The following CKAP5 variants were observed in gnomAD, a reference collection of about 807,000 sequenced individuals.
CKAP5 encodes cytoskeleton-associated protein 5.
A neutral mutation model predicts 232.8 loss-of-function variants in CKAP5; 27 were observed. The ratio of observed to expected loss-of-function variants is 0.12; its 90% CI spans 0.09 to 0.16. The LOEUF (loss-of-function observed/expected upper bound fraction) is 0.16. Ranked by LOEUF, CKAP5 falls within the 10% of genes least tolerant of loss-of-function variation. The probability of loss-of-function intolerance (pLI) is 1.00; values close to 1 mark genes in which losing one functional copy is unlikely to be tolerated. For missense variants in CKAP5, 1,838 were observed against 2,424.7 expected (o/e 0.76, Z 5.08); for synonymous variants, 785 against 841.1 (o/e 0.93, Z 1.16).
intron 1 of CKAP5, among the ~76,000 whole-genome samples, chr11:46,842,966 CAAA>C (rs60343444): frequency 2.5e-5 from 1 of 39,404 alleles, no homozygotes. Flanking sequence ...GACTCCGTCT[CAAA>C]AAAAAAAAAA....
At chr11:46,839,527 C>A (rs943868966) in intron 1 of CKAP5, among the ~76,000 whole-genome samples, 2 of 152,188 alleles carry the variant, frequency 1.3e-5, no homozygotes, top group Non-Finnish European at 2.9e-5. Context: ...ACCACTGTCA[C>A]AGTTGTCCAT....
intron 16 of CKAP5, among the ~76,000 whole-genome samples, chr11:46,786,593 G>A (rs1231801422): frequency 2.0e-5 from 3 of 152,206 alleles, no homozygotes; most frequent in African/African-American, 7.2e-5. Flanking sequence ...CCAGCTGGGG[G>A]AACCCAGCTT....
At chr11:46,789,136 A>G (rs1336065347) in intron 15 of CKAP5, among the ~76,000 whole-genome samples, 1 of 152,190 alleles carries the variant, frequency 6.6e-6, no homozygotes, top group East Asian at 1.9e-4. Flanking sequence ...TGATTTTCCT[A>G]AAAACAGCAA....
chr11:46,804,555 C>T (rs1939110238), intron 8 of CKAP5, among the ~76,000 whole-genome samples: 1 of 152,082 alleles, frequency 6.6e-6, no homozygotes, highest in Non-Finnish European at 1.5e-5. Context: ...TAAATTGAGG[C>T]CTACAGTATT....
At chr11:46,804,657 G>GAA (rs1939112344) in intron 8 of CKAP5, among the ~76,000 whole-genome samples, 1 of 151,972 alleles carries the variant, frequency 6.6e-6, no homozygotes, top group African/African-American at 2.4e-5. Context: ...GCACACCGTT[G>GAA]ACAGAGGAAA....
chr11:46,809,023 C>T (rs79918888), intron 7 of CKAP5, among the ~76,000 whole-genome samples: 1 of 152,104 alleles, frequency 6.6e-6, no homozygotes, highest in Non-Finnish European at 1.5e-5. Context: ...TGCTAAACAT[C>T]ATACAATGCA....
chr11:46,763,021 A>G lies in CKAP5; in HGVS notation c.3846T>C (p.Leu1282=). 6.2e-7 allele frequency: 1 copy of G among 1,613,912 alleles called. No homozygotes were observed. The highest frequency in any genetic ancestry group is 8.5e-7 in the Non-Finnish European group (1 of 1,179,796). ...TGAAGGAAGATGCTTCATTCTCAGT[A>G]AGATGATATTCTTCTTCACTTAGCA... is the stretch of plus-strand genomic sequence containing the variant. The part of the protein sequence containing the change: ...FTLLSEEEYH[L]TENEASSFIP... Residue 1282 remains leucine, a synonymous_variant, in exon 30 of 44, where the codon CTT becomes CTC. Coordinates refer to ENST00000529230, the MANE Select transcript of CKAP5 (RefSeq NM_001008938.4).
intron 3 of CKAP5, among the ~76,000 whole-genome samples, chr11:46,817,528 T>C (rs904269141): frequency 2.0e-5 from 3 of 152,102 alleles, no homozygotes; most frequent in Non-Finnish European, 4.4e-5. Context: ...AGAAGAGAAA[T>C]TAAAAAGTGA....
intron 13 of CKAP5, among the ~76,000 whole-genome samples, chr11:46,795,227 C>T (rs1365603984): frequency 4.6e-5 from 7 of 151,656 alleles, no homozygotes; most frequent in Non-Finnish European, 1.0e-4. Flanking sequence ...TACTGGGGGG[C>T]TAAGGCAGGA....
intron 5 of CKAP5, among the ~76,000 whole-genome samples, chr11:46,810,235 A>C (rs1042923664): frequency 1.3e-5 from 2 of 152,032 alleles, no homozygotes; most frequent in Non-Finnish European, 2.9e-5. Flanking sequence ...GCCTCCCAAA[A>C]TGCTGGGATG....
chr11:46,767,928 G>T (rs2134601391), intron 26 of CKAP5, among the ~76,000 whole-genome samples: 1 of 152,040 alleles, frequency 6.6e-6, no homozygotes, highest in East Asian at 1.9e-4. Flanking sequence ...TAGTAGCTGG[G>T]ACTACAGGCC....
At chr11:46,786,808 A>AGC (rs754215969) in intron 16 of CKAP5, among the ~76,000 whole-genome samples, 12 of 152,128 alleles carry the variant, frequency 7.9e-5, no homozygotes, top group Non-Finnish European at 5.9e-5. Flanking sequence ...GGCATGACCC[A>AGC]GCGCGCACAC....
At chr11:46,841,724 G>C (rs932133940) in intron 1 of CKAP5, among the ~76,000 whole-genome samples, 1 of 152,106 alleles carries the variant, frequency 6.6e-6, no homozygotes, top group Non-Finnish European at 1.5e-5. Flanking sequence ...ATGCTGGCTC[G>C]GCACGGTGGC....
chr11:46,821,688 G>A (rs1406765094), intron 1 of CKAP5, among the ~76,000 whole-genome samples: 2 of 152,018 alleles, frequency 1.3e-5, no homozygotes, highest in East Asian at 3.9e-4. Flanking sequence ...CTCCCAAAGT[G>A]CTGGGATTAC....
At chr11:46,827,132 G>A (rs1039413718) in intron 1 of CKAP5, among the ~76,000 whole-genome samples, 3 of 152,292 alleles carry the variant, frequency 2.0e-5, no homozygotes, top group Admixed American at 2.0e-4. Flanking sequence ...AGAAACAAAG[G>A]AGATGACCAG....
At chr11:46,822,548 G>C (rs552301798) in intron 1 of CKAP5, among the ~76,000 whole-genome samples, 1 of 151,916 alleles carries the variant, frequency 6.6e-6, no homozygotes, top group Non-Finnish European at 1.5e-5. Context: ...GGTCAGGATC[G>C]AGACCATCCT....
chr11:46,779,320 A>G (rs1428490066), intron 20 of CKAP5, among the ~76,000 whole-genome samples: 1 of 152,010 alleles, frequency 6.6e-6, no homozygotes, highest in African/African-American at 2.4e-5. Context: ...TTTAGTAGAG[A>G]TGGAGTTTTG....
chr11:46,778,409 C>T (rs1264366372), intron 21 of CKAP5, 51 bp downstream of exon 21: 1 of 1,607,732 alleles, frequency 6.2e-7, no homozygotes, highest in Non-Finnish European at 8.5e-7. Flanking sequence ...AGACAACATT[C>T]TGAATTCAAT....
chr11:46,838,678 C>A (rs1175621879), intron 1 of CKAP5, among the ~76,000 whole-genome samples: 1 of 145,098 alleles, frequency 6.9e-6, no homozygotes, highest in South Asian at 2.2e-4. Flanking sequence ...CGCCTGTAGT[C>A]CCAGCCACTA....
Sources: allele counts gnomAD v4.1 joint callset (sites outside exome capture counted in the v4.1 genomes callset), GRCh38; gene constraint gnomAD v4.1.1; transcripts MANE v1.5; gene names NCBI Gene and HGNC (gene_info 2026-07-23, HGNC 2026-07-21).